The following TYR variants were observed in gnomAD, a reference collection of about 807,000 sequenced individuals.
TYR encodes the protein LB24-AB.
Under a neutral mutation model 51.5 loss-of-function variants are expected in TYR, and 58 were observed. The observed-to-expected ratio is 1.13, with a 90% CI of 0.91 to 1.40. The LOEUF is 1.40. Ranked by LOEUF, TYR falls within the 40% of genes most tolerant of loss-of-function variation. TYR has a pLI of 0.00. For synonymous variants in TYR, 263 were observed against 235.2 expected (o/e 1.12, Z -1.08); for missense variants, 732 against 647.4 (o/e 1.13, Z -1.42).
chr11:89,193,129 C>G (rs1479364226), intron 2 of TYR, among the ~76,000 whole-genome samples: 3 of 152,156 alleles, frequency 2.0e-5, no homozygotes, highest in Non-Finnish European at 4.4e-5. Context: ...GGGTGACCCA[C>G]TGGACTCTTC....
chr11:89,241,058 G>A (rs941169572), intron 3 of TYR, among the ~76,000 whole-genome samples: 2 of 152,102 alleles, frequency 1.3e-5, no homozygotes, highest in East Asian at 1.9e-4. Context: ...TCAGATTTGG[G>A]AAAAACTAAA....
intron 4 of TYR, among the ~76,000 whole-genome samples, chr11:89,289,950 A>G (rs1565425506): frequency 6.6e-6 from 1 of 152,042 alleles, no homozygotes; most frequent in African/African-American, 2.4e-5. Flanking sequence ...ATTGTTTTCT[A>G]TATGGTAGAC....
At chr11:89,193,585 C>A (rs143668154) in intron 2 of TYR, among the ~76,000 whole-genome samples, 35 of 152,118 alleles carry the variant, frequency 2.3e-4, no homozygotes, top group African/African-American at 8.4e-4. Context: ...TATCTGATAA[C>A]CGAGTATGTA....
intron 2 of TYR, among the ~76,000 whole-genome samples, chr11:89,201,852 A>T (rs1337548696): frequency 3.9e-5 from 6 of 152,204 alleles, no homozygotes; most frequent in Non-Finnish European, 8.8e-5. Flanking sequence ...TTTCTTTTTT[A>T]AAAATAAGGG....
intron 2 of TYR, among the ~76,000 whole-genome samples, chr11:89,225,216 T>C (rs930506989): frequency 6.6e-6 from 1 of 152,002 alleles, no homozygotes; most frequent in South Asian, 2.1e-4. Flanking sequence ...TATGTATACA[T>C]TGGGAAATGG....
chr11:89,250,064 G>A (rs2135298666), intron 3 of TYR, among the ~76,000 whole-genome samples: 1 of 152,088 alleles, frequency 6.6e-6, no homozygotes, highest in South Asian at 2.1e-4. Context: ...GGCTGACTAG[G>A]AGAATAAGAA....
At position 89,178,028 on chromosome 11, in the gene TYR, C is replaced by A. The variant is rs1206903182; in HGVS notation, c.75C>A (p.Val25=). ...CTGGCCATTTCCCTAGAGCCTGTGT[C>A]TCCTCTAAGAACCTGATGGAGAAGG... ...TSAGHFPRAC[V]SSKNLMEKEC... Residue 25 remains valine (V), a synonymous_variant, in exon 1 of 5, where the codon GTC becomes GTA. Coordinates refer to ENST00000263321, the MANE Select transcript of TYR (RefSeq NM_000372.5). 1.9e-6 allele frequency: 3 copies of A among 1,614,184 alleles called. No homozygotes were observed. The highest frequency in any genetic ancestry group is 3.3e-5 in the Admixed American group (2 of 60,026).
chr11:89,272,124 T>G (rs549256064), intron 3 of TYR, among the ~76,000 whole-genome samples: 4 of 152,060 alleles, frequency 2.6e-5, no homozygotes, highest in African/African-American at 9.6e-5. Context: ...AAATTAATGT[T>G]CTTAATTGTA....
intron 4 of TYR, 107 bp from the exon 5 acceptor site, chr11:89,295,036 C>A (rs561489771): frequency 4.6e-6 from 7 of 1,536,154 alleles, no homozygotes; most frequent in East Asian, 4.8e-5. Flanking sequence ...GTAGAGCTGG[C>A]CTTCAAACCC....
chr11:89,209,097 G>A (rs1302308354), intron 2 of TYR, among the ~76,000 whole-genome samples: 1 of 152,182 alleles, frequency 6.6e-6, no homozygotes, highest in Admixed American at 6.5e-5. Flanking sequence ...TCGGACAGTG[G>A]GTGCAGCCCA....
intron 2 of TYR, among the ~76,000 whole-genome samples, chr11:89,198,378 G>A (rs1022505166): frequency 3.9e-5 from 6 of 152,054 alleles, no homozygotes; most frequent in Non-Finnish European, 8.8e-5. Flanking sequence ...CTAATTCTGA[G>A]GGAATCAGAA....
chr11:89,256,646 G>C (rs1450951834), intron 3 of TYR, among the ~76,000 whole-genome samples: 1 of 151,854 alleles, frequency 6.6e-6, no homozygotes, highest in East Asian at 1.9e-4. Flanking sequence ...AAAATGCCTA[G>C]AGATAGGCAT....
intron 1 of TYR, among the ~76,000 whole-genome samples, chr11:89,182,079 A>G (rs974421890): frequency 2.0e-5 from 3 of 152,200 alleles, no homozygotes; most frequent in African/African-American, 4.8e-5. Flanking sequence ...CTATCATTGT[A>G]CTTTATACAG....
intron 4 of TYR, among the ~76,000 whole-genome samples, chr11:89,290,784 G>A (rs1017484029): frequency 1.3e-5 from 2 of 151,898 alleles, no homozygotes; most frequent in African/African-American, 4.8e-5. Flanking sequence ...CTTGCTGCAA[G>A]GTAAGCCCAG....
At chr11:89,247,614 A>G (rs890929886) in intron 3 of TYR, among the ~76,000 whole-genome samples, 1 of 152,216 alleles carries the variant, frequency 6.6e-6, no homozygotes, top group African/African-American at 2.4e-5. Flanking sequence ...ACTTGTCATT[A>G]TTGCTGAAAT....
At chr11:89,289,559 C>T (rs1944833295) in intron 4 of TYR, among the ~76,000 whole-genome samples, 1 of 151,862 alleles carries the variant, frequency 6.6e-6, no homozygotes. Flanking sequence ...GTTTACCTGC[C>T]AGGTGCTGAG....
chr11:89,251,544 A>C (rs549750994), intron 3 of TYR, among the ~76,000 whole-genome samples: 4 of 151,956 alleles, frequency 2.6e-5, no homozygotes. Context: ...ATATTACTAA[A>C]TTCAAAAAGT....
Position 89,178,375 on chromosome 11 carries a change from C to T in TYR, c.422C>T (p.Ala141Val). ...AAATTTTTTGCCTACCTCACTTTAG[C>T]AAAGCATACCATCAGCTCAGACTAT... ...KDKFFAYLTLAKHTISSDYVI... is the reference protein window; with the variant it reads ...KDKFFAYLTLVKHTISSDYVI... The change falls in exon 1 of 5, where the codon GCA becomes GTA. Residue 141 changes from alanine to valine, a missense_variant. By Grantham distance (64) the Ala-to-Val change is moderately conservative. Coordinates refer to ENST00000263321, the MANE Select transcript of TYR (RefSeq NM_000372.5). 1.2e-6 allele frequency: 2 copies of T among 1,614,144 alleles called. No homozygotes were observed.
rs115185484 is a variant in TYR at position 89,220,336 on chromosome 11, C to A, written c.1037-7487C>A. Among the ~76,000 whole-genome samples, 813 of 152,204 alleles carry A rather than the reference C, an allele frequency of 5.3e-3. 2 individuals carry two copies. Among genetic ancestry groups the A allele is most frequent in the African/African-American group, 0.018 (738 of 41,528 alleles). On this transcript the variant is annotated intron_variant, in intron 2 of 4. Transcript: ENST00000263321. ...GCCACACACTTTTAAATCATCAGAT[C>A]TTGCGAGAACTCACTCACTATTGTG... is the stretch of plus-strand genomic sequence containing the variant.
Sources: allele counts gnomAD v4.1 joint callset (sites outside exome capture counted in the v4.1 genomes callset), GRCh38; gene constraint gnomAD v4.1.1; transcripts MANE v1.5; gene names NCBI Gene and HGNC (gene_info 2026-07-23, HGNC 2026-07-21).